The following DERA variants were observed in gnomAD, a reference collection of about 807,000 sequenced individuals.
DERA encodes the protein deoxyribose-phosphate aldolase.
Under a neutral mutation model 41.1 loss-of-function variants are expected in DERA, and 15 were observed. The observed-to-expected ratio is 0.37, with a 90% confidence interval of 0.24 to 0.56. DERA has a LOEUF of 0.56. Ranked by LOEUF, DERA falls within the 20% of genes least tolerant of loss-of-function variation. DERA has a pLI of 0.81. For missense variants in DERA, 396 were observed against 403.4 expected, an observed-to-expected ratio of 0.98 and a Z score of 0.16; for synonymous variants, 139 against 137.4, an observed-to-expected ratio of 1.01 and a Z score of -0.08.
rs1261257593 is a variant in DERA at position 16,032,644 on chromosome 12, C to T, written c.740C>T (p.Thr247Ile). The T allele has an allele frequency of 1.2e-5, 18 of 1,552,264 alleles. No individual in the cohort carries two copies. The highest frequency in any genetic ancestry group is 1.5e-5 in the Non-Finnish European group (17 of 1,144,336). Residue 247 changes from threonine to isoleucine, a missense_variant, in exon 7 of 9, where the codon ACT becomes ATT. Transcript: ENST00000428559. ...LRAIRDFFWKTGNKIGFKPAG... is the reference protein window; with the variant it reads ...LRAIRDFFWKIGNKIGFKPAG... ...GCCATTAGAGATTTCTTCTGGAAAACTGGAAACAAGGTATATTATTGCCAG... is the reference window on the plus strand; with the variant it reads ...GCCATTAGAGATTTCTTCTGGAAAATTGGAAACAAGGTATATTATTGCCAG...
At chr12:16,018,251 A>G (rs1286242428) in intron 6 of DERA, among the ~76,000 whole-genome samples, 1 of 152,128 alleles carries the variant, frequency 6.6e-6, no homozygotes, top group Non-Finnish European at 1.5e-5. Context: ...TTGAATAATA[A>G]TTTGATCCGT....
At chr12:16,029,044 T>C (rs1949072255) in intron 6 of DERA, among the ~76,000 whole-genome samples, 1 of 152,192 alleles carries the variant, frequency 6.6e-6, no homozygotes, top group Non-Finnish European at 1.5e-5. Context: ...ATAGTAATAA[T>C]AGGGAAAACT....
chr12:15,970,684 C>A lies in DERA; in HGVS notation c.508+7737C>A, dbSNP rs574313928. 6.6e-6 allele frequency among the ~76,000 whole-genome samples: 1 copy of A among 152,056 alleles called. No homozygotes were observed. The highest frequency in any genetic ancestry group is 1.5e-5 in the Non-Finnish European group (1 of 68,006). ...AAAAAAAACAGGTACACCCACATTT[C>A]CAACTCCATCTCTCTTTTCAGACTG... On this transcript the variant is annotated intron_variant, in intron 5 of 8. Coordinates refer to ENST00000428559, the MANE Select transcript of DERA (RefSeq NM_015954.4). The surrounding 1 kb of genome is among the most constrained non-coding windows in gnomAD (Gnocchi z 4.3).
Position 15,941,537 on chromosome 12 carries a change from C to T in DERA, c.32-15399C>T, listed in dbSNP as rs149309846. On this transcript the variant is annotated intron_variant, in intron 1 of 8. Transcript: ENST00000428559. This position sits in a 1 kb window ranked among gnomAD's most constrained non-coding sequence, Gnocchi z 4.5. The stretch of plus-strand genomic sequence containing the variant: ...TATTCCTCACCCCTCCCTATTCTCT[C>T]CCGCTGAATCCTCAGAGTTCGCTAT... Among the ~76,000 whole-genome samples the T allele has an allele frequency of 2.6e-5, 4 of 152,248 alleles. No homozygotes were observed. The East Asian group carries it at 7.7e-4, about 29-fold the overall frequency.
chr12:15,963,025 T>C (rs1301228456), intron 5 of DERA, 78 bp downstream of exon 5: 1 of 1,518,920 alleles, frequency 6.6e-7, no homozygotes, highest in African/African-American at 1.4e-5. Flanking sequence ...ATGTGGTATG[T>C]TTTAGAGGTC....
rs182215549 is a variant in DERA, at chr12:16,011,147, A to C, written c.638-21395A>C. Among the ~76,000 whole-genome samples the C allele has an allele frequency of 2.0e-5, 3 of 152,306 alleles. No individual in the cohort carries two copies. In the East Asian group the frequency reaches 5.8e-4, roughly 29 times the overall value. ...CAAGCATACCTGACTTTTAATGTTA[A>C]TATATACTATATATTCCAAACTTGC... On this transcript the variant is annotated intron_variant, in intron 6 of 8. Coordinates refer to ENST00000428559, the MANE Select transcript of DERA (RefSeq NM_015954.4). The surrounding 1 kb of genome is among the most constrained non-coding windows in gnomAD (Gnocchi z 4.7).
chr12:15,977,637 T>A (rs1948706776), intron 5 of DERA, among the ~76,000 whole-genome samples: 1 of 152,172 alleles, frequency 6.6e-6, no homozygotes, highest in African/African-American at 2.4e-5. Context: ...TGCATTTTTT[T>A]AGTAGAGACG....
At chr12:15,951,497 C>T (rs747534454) in intron 1 of DERA, 1 of 152,256 alleles carries the variant, frequency 6.6e-6, no homozygotes, top group Non-Finnish European at 1.5e-5. Context: ...CCACAGACAG[C>T]TGCCTTACTG....
At position 15,981,437 on chromosome 12, in the gene DERA, TG is replaced by T. The variant is rs1948732337; in HGVS notation, c.509-869del. On this transcript the variant is annotated intron_variant, in intron 5 of 8. Coordinates refer to ENST00000428559, the MANE Select transcript of DERA (RefSeq NM_015954.4). This position sits in a 1 kb window ranked among gnomAD's most constrained non-coding sequence, Gnocchi z 6.1. ...AGAAAAAGCCTTGGTCTTGTTACCA[TG>T]GCAGTAGCCTGAGTTCAAGAAATGA... Among the ~76,000 whole-genome samples the T allele has an allele frequency of 1.3e-5, 2 of 152,324 alleles. No individual in the cohort carries two copies. The highest frequency in any genetic ancestry group is 1.3e-4 in the Admixed American group (2 of 15,294).
chr12:15,991,270 G>C (rs1425592021), intron 6 of DERA, among the ~76,000 whole-genome samples: 1 of 152,098 alleles, frequency 6.6e-6, no homozygotes, highest in Non-Finnish European at 1.5e-5. Context: ...AAAAGTGCCT[G>C]TTCATATCCT....
In DERA at chr12:16,012,076, G is replaced by A. The variant is rs577830170; in HGVS notation, c.638-20466G>A. On this transcript the variant is annotated intron_variant, in intron 6 of 8. Transcript: ENST00000428559. The surrounding 1 kb of genome is among the most constrained non-coding windows in gnomAD (Gnocchi z 4.1). The stretch of plus-strand genomic sequence containing the variant: ...AAGGGGCAGAGTTTGGTAAAGAAAA[G>A]CCTTGTCTTGTACACTGCTGTGTAT... Among the ~76,000 whole-genome samples the A allele has an allele frequency of 6.6e-6, 1 of 152,298 alleles. No individual in the cohort carries two copies. The highest frequency in any genetic ancestry group is 2.1e-4 in the South Asian group (1 of 4,818).
intron 1 of DERA, among the ~76,000 whole-genome samples, chr12:15,942,643 G>A (rs1948416782): frequency 6.6e-6 from 1 of 152,194 alleles, no homozygotes; most frequent in Non-Finnish European, 1.5e-5. Flanking sequence ...AGTACCCTCA[G>A]TAATCAGTGA....
rs1565615849 is a variant in DERA, at chr12:16,019,173, G to C, written c.638-13369G>C. 6.6e-6 allele frequency among the ~76,000 whole-genome samples: 1 copy of C among 152,206 alleles called. No homozygotes were observed. The highest frequency in any genetic ancestry group is 1.5e-5 in the Non-Finnish European group (1 of 68,024). On this transcript the variant is annotated intron_variant, in intron 6 of 8. Coordinates refer to ENST00000428559, the MANE Select transcript of DERA (RefSeq NM_015954.4). This position sits in a 1 kb window ranked among gnomAD's most constrained non-coding sequence, Gnocchi z 4.4. Reference sequence around the variant, plus strand: ...AAAATGAGAAGTAAAACAAAAGTGTGTCCTACTTAGTCCCATTGGAAAATC... The same window carrying C: ...AAAATGAGAAGTAAAACAAAAGTGTCTCCTACTTAGTCCCATTGGAAAATC...
At position 15,999,882 on chromosome 12, in the gene DERA, G is replaced by T. The variant is rs1006282799; in HGVS notation, c.637+17446G>T. Among the ~76,000 whole-genome samples, 1 of 152,132 alleles carries T rather than the reference G, an allele frequency of 6.6e-6. No homozygotes were observed. Among genetic ancestry groups the T allele is most frequent in the African/African-American group, 2.4e-5 (1 of 41,418 alleles). On this transcript the variant is annotated intron_variant, in intron 6 of 8. Coordinates refer to ENST00000428559, the MANE Select transcript of DERA (RefSeq NM_015954.4). This position sits in a 1 kb window ranked among gnomAD's most constrained non-coding sequence, Gnocchi z 5.3. ...AATCCAGATGCTTTGTAGAAGCAGA[G>T]CAGTGATCAGATTTTCATTTTAGGG...
intron 5 of DERA, among the ~76,000 whole-genome samples, chr12:15,968,670 A>G (rs181533415): frequency 3.8e-4 from 58 of 152,342 alleles, no homozygotes; most frequent in African/African-American, 6.0e-4. Context: ...TGTTCCTTCT[A>G]TGTAAAGTGG....
intron 1 of DERA, among the ~76,000 whole-genome samples, chr12:15,925,883 A>T (rs1249969377): frequency 7.2e-6 from 1 of 138,394 alleles, no homozygotes; most frequent in African/African-American, 2.8e-5. Context: ...GCTGGAGTAC[A>T]ATGGCACGAT....
At position 15,999,071 on chromosome 12, in the gene DERA, G is replaced by A. The variant is rs1002173566; in HGVS notation, c.637+16635G>A. Among the ~76,000 whole-genome samples the A allele has an allele frequency of 1.4e-4, 22 of 152,104 alleles. No individual in the cohort carries two copies. The highest frequency in any genetic ancestry group is 1.5e-4 in the Non-Finnish European group (10 of 68,028). Reference sequence around the variant, plus strand: ...GAGTTCCCCAATTCCAAACTGTGTCGGGGAATGGGAGGAAATGAGGGATGG... The same window carrying A: ...GAGTTCCCCAATTCCAAACTGTGTCAGGGAATGGGAGGAAATGAGGGATGG... On this transcript the variant is annotated intron_variant, in intron 6 of 8. Transcript: ENST00000428559. This position sits in a 1 kb window ranked among gnomAD's most constrained non-coding sequence, Gnocchi z 5.3.
chr12:16,018,238 A>C (rs753161470), intron 6 of DERA, among the ~76,000 whole-genome samples: 2 of 152,160 alleles, frequency 1.3e-5, no homozygotes, highest in African/African-American at 4.8e-5. Flanking sequence ...GAGATTTTCA[A>C]AATTGAATAA....
chr12:15,946,505 T>C (rs1449116535), intron 1 of DERA, among the ~76,000 whole-genome samples: 2 of 152,198 alleles, frequency 1.3e-5, no homozygotes, highest in African/African-American at 4.8e-5. Flanking sequence ...GATTTTCTAG[T>C]TTATTTGCAT....
Sources: gnomAD v4.1 joint callset for allele counts (sites outside exome capture counted in the v4.1 genomes callset) on GRCh38, gnomAD v4.1.1 for gene constraint, Gnocchi (gnomAD v3.1) non-coding constraint, MANE v1.5 for transcripts, NCBI Gene and HGNC (gene_info 2026-07-23, HGNC 2026-07-21) for gene names.